MGST2: variants seen among roughly 807,000 people sequenced by gnomAD.
MGST2 encodes microsomal glutathione S-transferase 2.
A neutral mutation model predicts 16.6 loss-of-function variants in MGST2; 9 were observed. That is an observed-to-expected ratio of 0.54 (90% CI 0.33 to 0.95). MGST2 has a LOEUF of 0.95. MGST2 is among the 40% of genes least tolerant of loss of function. The probability of loss-of-function intolerance (pLI) is 0.03; values close to 1 mark genes in which losing one functional copy is unlikely to be tolerated. For missense variants in MGST2, 159 were observed against 175.1 expected (o/e 0.91, Z 0.52); for synonymous variants, 79 against 68.0 (o/e 1.16, Z -0.79).
chr4:139,707,963 G>A (rs1579339658), downstream of MGST2, among the ~76,000 whole-genome samples: 1 of 151,814 alleles, frequency 6.6e-6, no homozygotes, highest in Non-Finnish European at 1.5e-5. Flanking sequence ...TTAGCCCTTT[G>A]TCAGATGAGT....
chr4:139,749,739 G>A, the MGST2 span, among the ~76,000 whole-genome samples: 1 of 152,196 alleles, frequency 6.6e-6, no homozygotes, highest in African/African-American at 2.4e-5. Flanking sequence ...CCACTCAAGT[G>A]TGGTACCAAA....
downstream of MGST2, among the ~76,000 whole-genome samples, chr4:139,742,181 C>G (rs1478727320): frequency 2.0e-5 from 3 of 146,634 alleles, no homozygotes; most frequent in Non-Finnish European, 4.5e-5. Flanking sequence ...GAGAGTCTCG[C>G]TCTGTCAGCC....
chr4:139,707,082 G>C (rs1727548082), downstream of MGST2, among the ~76,000 whole-genome samples: 1 of 151,524 alleles, frequency 6.6e-6, no homozygotes, highest in South Asian at 2.1e-4. Flanking sequence ...TTAAGTTTTA[G>C]GGTACATGTG....
At chr4:139,700,498 T>C (rs1668880588) in intron 3 of MGST2, among the ~76,000 whole-genome samples, 1 of 152,182 alleles carries the variant, frequency 6.6e-6, no homozygotes, top group South Asian at 2.1e-4. Flanking sequence ...ATTTAAAGCC[T>C]TCATATGAGG....
At chr4:139,678,520 G>C (rs377334469) in intron 1 of MGST2, 23 bp from the exon 2 acceptor site, 2 of 1,589,960 alleles carry the variant, frequency 1.3e-6, no homozygotes, top group African/African-American at 2.7e-5. Context: ...CATCTTTAAC[G>C]CAACATTTCC....
chr4:139,693,527 G>A (rs1379391368), intron 2 of MGST2, among the ~76,000 whole-genome samples: 3 of 152,064 alleles, frequency 2.0e-5, no homozygotes, highest in Non-Finnish European at 4.4e-5. Flanking sequence ...AAAAAGAAAC[G>A]TGGGAATGCT....
At chr4:139,703,371 A>G in intron 3 of MGST2, 84 bp from the exon 4 acceptor site, 2 of 1,130,874 alleles carry the variant, frequency 1.8e-6, no homozygotes, top group South Asian at 2.5e-5. Flanking sequence ...TGTTTTGTGA[A>G]TATTTTCTCA....
downstream of MGST2, among the ~76,000 whole-genome samples, chr4:139,741,236 G>C (rs893539767): frequency 6.6e-6 from 1 of 152,186 alleles, no homozygotes; most frequent in African/African-American, 2.4e-5. Context: ...GATTGTGGCT[G>C]ACGACCAGCT....
At chr4:139,705,922 C>T (rs558956738), downstream of MGST2, among the ~76,000 whole-genome samples, 1 of 152,286 alleles carries the variant, frequency 6.6e-6, no homozygotes, top group Non-Finnish European at 1.5e-5. Flanking sequence ...AACGATTCTA[C>T]CTCACAGCTT....
chr4:139,729,563 C>T (rs1396125699), intron 5 of MGST2, among the ~76,000 whole-genome samples: 2 of 152,212 alleles, frequency 1.3e-5, no homozygotes, highest in African/African-American at 4.8e-5. Flanking sequence ...GACAACCTCA[C>T]ACCTCCTATA....
At chr4:139,694,788 T>C (rs1295353616) in intron 2 of MGST2, among the ~76,000 whole-genome samples, 3 of 152,218 alleles carry the variant, frequency 2.0e-5, no homozygotes, top group Non-Finnish European at 4.4e-5. Flanking sequence ...AAGGGAATTA[T>C]TTAAAGACCA....
chr4:139,719,401 G>T, intron 5 of MGST2: 2 of 1,613,994 alleles, frequency 1.2e-6, no homozygotes, highest in East Asian at 2.2e-5. Context: ...AGTCCACAAG[G>T]TCTGCACCGT....
chr4:139,673,241 A>G (rs1256065318), intron 1 of MGST2, among the ~76,000 whole-genome samples: 1 of 152,208 alleles, frequency 6.6e-6, no homozygotes, highest in Non-Finnish European at 1.5e-5. Flanking sequence ...ACTGTAACCC[A>G]ACTGAACGTG....
intron 1 of MGST2, among the ~76,000 whole-genome samples, chr4:139,671,526 T>C (rs1308171609): frequency 6.6e-6 from 1 of 152,146 alleles, no homozygotes; most frequent in Non-Finnish European, 1.5e-5. Context: ...AGTGCAGTGG[T>C]GTGATCTCAG....
At chr4:139,729,527 C>CTT (rs890773087) in intron 5 of MGST2, among the ~76,000 whole-genome samples, 1 of 152,182 alleles carries the variant, frequency 6.6e-6, no homozygotes, top group African/African-American at 2.4e-5. Context: ...GTGAGGCAGA[C>CTT]TTATGTTGGG....
chr4:139,669,883 A>G (rs1424543414), intron 1 of MGST2, among the ~76,000 whole-genome samples: 1 of 152,232 alleles, frequency 6.6e-6, no homozygotes, highest in Non-Finnish European at 1.5e-5. Flanking sequence ...GAGTGGTAGT[A>G]AACAATTATT....
chr4:139,713,556 CA>C (rs1308628077), intron 5 of MGST2, among the ~76,000 whole-genome samples: 3 of 150,522 alleles, frequency 2.0e-5, no homozygotes, highest in Non-Finnish European at 4.4e-5. Context: ...AAACAAGTTC[CA>C]AAAAGAGAAA....
chr4:139,721,247 A>T (rs1177073475), intron 5 of MGST2, among the ~76,000 whole-genome samples: 1 of 152,212 alleles, frequency 6.6e-6, no homozygotes, highest in Non-Finnish European at 1.5e-5. Flanking sequence ...CATTTGAGTG[A>T]GTCCTTCTTT....
intron 2 of MGST2, chr4:139,687,781 C>A (rs959985159): frequency 6.6e-6 from 1 of 152,220 alleles, no homozygotes; most frequent in African/African-American, 2.4e-5. Context: ...TGGAGTCCAG[C>A]CTTTCTGAGT....
Sources: allele counts gnomAD v4.1 joint callset (sites outside exome capture counted in the v4.1 genomes callset), GRCh38; gene constraint gnomAD v4.1.1; transcripts MANE v1.5; gene names NCBI Gene and HGNC (gene_info 2026-07-23, HGNC 2026-07-21).